The following C6 variants were observed in gnomAD, a reference collection of about 807,000 sequenced individuals.
C6 encodes complement C6, also known as complement component C6.
Under a neutral mutation model 112.9 loss-of-function variants are expected in C6, and 101 were observed. The observed-to-expected ratio is 0.89, with a 90% confidence interval of 0.76 to 1.06. The LOEUF is 1.06. Among genes scored for constraint, C6 ranks in the 50% least tolerant of loss-of-function variants. C6 has a pLI of 0.00. For synonymous variants in C6, 431 were observed against 384.1 expected (o/e 1.12, Z -1.43); for missense variants, 1,202 against 1,104.6 (o/e 1.09, Z -1.25).
chr5:41,196,297 A>T (rs1218213459), intron 4 of C6, among the ~76,000 whole-genome samples: 1 of 151,926 alleles, frequency 6.6e-6, no homozygotes, highest in Admixed American at 6.6e-5. Flanking sequence ...CACTGTTTTT[A>T]TTTAAAAACC....
chr5:41,233,393 T>G (rs1054819391), intron 1 of C6, among the ~76,000 whole-genome samples: 1 of 152,084 alleles, frequency 6.6e-6, no homozygotes, highest in African/African-American at 2.4e-5. Flanking sequence ...AAAGTGTAAA[T>G]GGGCTATATG....
At chr5:41,227,000 T>C (rs918180506) in intron 1 of C6, among the ~76,000 whole-genome samples, 2 of 152,150 alleles carry the variant, frequency 1.3e-5, no homozygotes, top group Non-Finnish European at 1.5e-5. Context: ...ATCATATGGA[T>C]TTCTATTTTT....
chr5:41,182,128 G>A (rs1288301773), intron 6 of C6, among the ~76,000 whole-genome samples: 2 of 152,186 alleles, frequency 1.3e-5, no homozygotes, highest in East Asian at 1.9e-4. Flanking sequence ...TCATTACGCT[G>A]TTTACAACTA....
exon 1 of C6, chr5:41,261,195 A>T (rs1029894377): frequency 1.0e-6 from 1 of 985,706 alleles, no homozygotes; most frequent in African/African-American, 1.7e-5. Flanking sequence ...AAAACTTACT[A>T]TGCATCTATG....
intron 7 of C6, among the ~76,000 whole-genome samples, chr5:41,179,678 T>C (rs1434034454): frequency 6.7e-6 from 1 of 148,174 alleles, no homozygotes; most frequent in Non-Finnish European, 1.5e-5. Flanking sequence ...AAAATATATG[T>C]TATATTATAT....
rs145428818 is a variant in C6, at chr5:41,190,836, C to T, written c.588-4628G>A. On this transcript the variant is annotated intron_variant, in intron 5 of 17. Coordinates refer to ENST00000337836, the MANE Select transcript of C6 (RefSeq NM_000065.5). ...TCTGCATATGGATATCCAGTTTTTC[C>T]AGCACCATTAATTAAAGAGACTCTT... 1.4e-3 allele frequency among the ~76,000 whole-genome samples: 210 copies of T among 152,080 alleles called. 6 individuals are homozygous for T. In the East Asian group the frequency reaches 0.038, roughly 28 times the overall value.
chr5:41,180,080 G>T (rs139710039), intron 7 of C6, among the ~76,000 whole-genome samples: 2 of 152,114 alleles, frequency 1.3e-5, no homozygotes, highest in South Asian at 4.1e-4. Flanking sequence ...TAATCTCTTA[G>T]AATTGTTTTG....
chr5:41,146,677 C>A (rs1296745406), intron 17 of C6, among the ~76,000 whole-genome samples: 2 of 151,984 alleles, frequency 1.3e-5, no homozygotes, highest in Admixed American at 1.3e-4. Flanking sequence ...CTAAATATAT[C>A]TTCTATTAAG....
chr5:41,258,633 T>A (rs917689262), intron 1 of C6, among the ~76,000 whole-genome samples: 1 of 152,218 alleles, frequency 6.6e-6, no homozygotes, highest in African/African-American at 2.4e-5. Flanking sequence ...TGAATGAAAG[T>A]AACCACATCT....
chr5:41,209,393 A>G (rs1462748805), intron 1 of C6, among the ~76,000 whole-genome samples: 2 of 152,218 alleles, frequency 1.3e-5, no homozygotes, highest in African/African-American at 4.8e-5. Flanking sequence ...GGAGAAAGAA[A>G]TAAAGGGTAT....
intron 1 of C6, among the ~76,000 whole-genome samples, chr5:41,245,984 G>T (rs1740997942): frequency 6.6e-6 from 1 of 152,136 alleles, no homozygotes; most frequent in South Asian, 2.1e-4. Context: ...TCTGAAGAAG[G>T]TTTCCTTCCC....
At chr5:41,239,503 A>G (rs1455005733) in intron 1 of C6, among the ~76,000 whole-genome samples, 1 of 151,858 alleles carries the variant, frequency 6.6e-6, no homozygotes, top group East Asian at 1.9e-4. Context: ...AACTATAGTC[A>G]CCCTACTATA....
intron 17 of C6, among the ~76,000 whole-genome samples, chr5:41,145,979 C>T (rs147706057): frequency 7.9e-5 from 12 of 152,352 alleles, no homozygotes; most frequent in Non-Finnish European, 1.6e-4. Flanking sequence ...TCTCACGCTT[C>T]TATACTTAAG....
intron 5 of C6, among the ~76,000 whole-genome samples, chr5:41,195,348 C>T (rs1750528224): frequency 1.3e-5 from 2 of 152,112 alleles, no homozygotes; most frequent in Admixed American, 1.3e-4. Flanking sequence ...AGTGTTTTGG[C>T]TTTCAACCCA....
At chr5:41,202,749 G>A (rs776529454) in intron 2 of C6, among the ~76,000 whole-genome samples, 18 of 152,252 alleles carry the variant, frequency 1.2e-4, no homozygotes, top group Non-Finnish European at 2.2e-4. Context: ...TTAATGAGTA[G>A]AAAATTCTCT....
chr5:41,175,645 G>A (rs1748778943), intron 8 of C6, among the ~76,000 whole-genome samples: 1 of 152,164 alleles, frequency 6.6e-6, no homozygotes, highest in Non-Finnish European at 1.5e-5. Flanking sequence ...GAATGCATGA[G>A]GATTATACTC....
chr5:41,204,827 A>G (rs1476316834), intron 1 of C6, among the ~76,000 whole-genome samples: 1 of 151,736 alleles, frequency 6.6e-6, no homozygotes. Flanking sequence ...TCACCACCAC[A>G]TCCAGCTAAT....
At chr5:41,250,633 G>C (rs1432696878) in intron 1 of C6, among the ~76,000 whole-genome samples, 1 of 152,126 alleles carries the variant, frequency 6.6e-6, no homozygotes, top group Non-Finnish European at 1.5e-5. Flanking sequence ...ACTATATAAA[G>C]TGGCCCCCAA....
At chr5:41,221,705 GAAT>G (rs1005125681) in intron 1 of C6, among the ~76,000 whole-genome samples, 1 of 151,892 alleles carries the variant, frequency 6.6e-6, no homozygotes, top group Non-Finnish European at 1.5e-5. Context: ...TAGTTATTTG[GAAT>G]AATTATTCAA....
Sources: allele counts gnomAD v4.1 joint callset (sites outside exome capture counted in the v4.1 genomes callset), GRCh38; gene constraint gnomAD v4.1.1; transcripts MANE v1.5; gene names NCBI Gene and HGNC (gene_info 2026-07-23, HGNC 2026-07-21).